The following SETBP1 variants were observed in gnomAD, a reference collection of about 807,000 sequenced individuals.
The protein encoded by SETBP1 is SET binding protein 1, also known as SET-binding protein.
A neutral mutation model predicts 101.0 loss-of-function variants in SETBP1; 9 were observed. The ratio of observed to expected loss-of-function variants is 0.09; its 90% CI spans 0.05 to 0.16. The LOEUF is 0.16. Ranked by LOEUF, SETBP1 falls within the 10% of genes least tolerant of loss-of-function variation. The probability of loss-of-function intolerance (pLI) is 1.00; values close to 1 mark genes in which losing one functional copy is unlikely to be tolerated. For missense variants in SETBP1, 1,858 were observed against 2,033.8 expected (o/e 0.91, Z 1.66); for synonymous variants, 818 against 788.5 (o/e 1.04, Z -0.63).
chr18:44,711,406 T>A (rs1178567043), intron 2 of SETBP1, among the ~76,000 whole-genome samples: 1 of 142,368 alleles, frequency 7.0e-6, no homozygotes, highest in African/African-American at 2.7e-5. Flanking sequence ...CTCTCTCCCT[T>A]CCTCCCTCCC....
At chr18:44,819,008 G>A (rs937694677) in intron 2 of SETBP1, among the ~76,000 whole-genome samples, 4 of 151,454 alleles carry the variant, frequency 2.6e-5, no homozygotes, top group Non-Finnish European at 4.4e-5. Flanking sequence ...GTGTGTGTGT[G>A]TATACACACA....
At chr18:44,941,892 T>G (rs1175952170) in intron 3 of SETBP1, among the ~76,000 whole-genome samples, 2 of 152,204 alleles carry the variant, frequency 1.3e-5, no homozygotes, top group African/African-American at 2.4e-5. Flanking sequence ...TTTTAAATAC[T>G]TGCACATTTT....
In SETBP1 at chr18:44,721,969, C is replaced by T. The variant is rs184857365; in HGVS notation, c.486+20137C>T. On this transcript the variant is annotated intron_variant, in intron 2 of 5. Coordinates refer to ENST00000649279, the MANE Select transcript of SETBP1 (RefSeq NM_015559.3). ...AATCTTTGTGGCTTCTGATAATTTG[C>T]ATATTGTCACTTGTTTGCCAACTAG... Among the ~76,000 whole-genome samples the T allele has an allele frequency of 1.1e-3, 165 of 152,286 alleles. No homozygotes were observed. The East Asian group carries it at 0.028, about 26-fold the overall frequency.
chr18:44,724,265 G>A (rs2069661677), intron 2 of SETBP1, among the ~76,000 whole-genome samples: 1 of 152,184 alleles, frequency 6.6e-6, no homozygotes, highest in Non-Finnish European at 1.5e-5. Flanking sequence ...TGGTTTGGCT[G>A]AATGTGAATG....
chr18:44,740,833 T>C (rs958422184), intron 2 of SETBP1, among the ~76,000 whole-genome samples: 1 of 152,200 alleles, frequency 6.6e-6, no homozygotes, highest in Non-Finnish European at 1.5e-5. Flanking sequence ...TAATTTAGTG[T>C]TTTGTCTGAA....
At chr18:44,750,731 G>A (rs551506766) in intron 2 of SETBP1, among the ~76,000 whole-genome samples, 3 of 152,256 alleles carry the variant, frequency 2.0e-5, no homozygotes, top group Admixed American at 6.5e-5. Flanking sequence ...GTTCTGCTTT[G>A]TAGAGAATAT....
At position 44,725,833 on chromosome 18, in the gene SETBP1, C is replaced by T. The variant is rs1042495205; in HGVS notation, c.486+24001C>T. ...CCCCCCTCCAACTCCGTTTTCTTCCCACAGCCACCAAAGCCAATAATAGAC... is the reference window on the plus strand; with the variant it reads ...CCCCCCTCCAACTCCGTTTTCTTCCTACAGCCACCAAAGCCAATAATAGAC... On this transcript the variant is annotated intron_variant, in intron 2 of 5. Transcript: ENST00000649279. Among the ~76,000 whole-genome samples, 3 of 152,126 alleles carry T rather than the reference C, an allele frequency of 2.0e-5. No homozygotes were observed. The East Asian group carries it at 5.8e-4, about 29-fold the overall frequency.
At chr18:44,854,953 C>T (rs903500855) in intron 2 of SETBP1, among the ~76,000 whole-genome samples, 3 of 152,196 alleles carry the variant, frequency 2.0e-5, no homozygotes, top group Non-Finnish European at 4.4e-5. Context: ...GTTCCACCAA[C>T]ACTTTGAGTA....
At chr18:44,867,590 C>T (rs1435642231) in intron 2 of SETBP1, among the ~76,000 whole-genome samples, 1 of 152,222 alleles carries the variant, frequency 6.6e-6, no homozygotes, top group South Asian at 2.1e-4. Flanking sequence ...ACATTTCACC[C>T]TTAGTTCCTA....
At chr18:44,723,511 A>C (rs1026787973) in intron 2 of SETBP1, among the ~76,000 whole-genome samples, 1 of 152,178 alleles carries the variant, frequency 6.6e-6, no homozygotes, top group Non-Finnish European at 1.5e-5. Flanking sequence ...CGGGGGGAAA[A>C]AAAACAACAC....
intron 3 of SETBP1, among the ~76,000 whole-genome samples, chr18:44,902,305 A>G (rs979441465): frequency 6.6e-6 from 1 of 152,040 alleles, no homozygotes; most frequent in Admixed American, 6.6e-5. Context: ...TATCAAACCT[A>G]TCTTAACCAG....
chr18:44,906,066 C>A (rs578125332), intron 3 of SETBP1, among the ~76,000 whole-genome samples: 5 of 152,112 alleles, frequency 3.3e-5, no homozygotes, highest in African/African-American at 1.2e-4. Flanking sequence ...AAAGGTCAGT[C>A]GCTTCATGAT....
chr18:45,063,989 A>G lies in SETBP1; in HGVS notation c.*291A>G. 3.0e-6 allele frequency: 1 copy of G among 331,460 alleles called. No individual in the cohort carries two copies. The highest frequency in any genetic ancestry group is 5.6e-6 in the Non-Finnish European group (1 of 177,616). The allele number at this position is 331,460 out of a possible 1,614,324, so 20.5% of individuals were successfully genotyped here. A position where few individuals can be genotyped will look rare whatever the true frequency, so the allele number is the denominator to read the frequency against. ...AGGCGAGCGGAAGGCCCCCAGGAGG[A>G]GCAGGCTGGTGGCACTCTCCTGACC... On this transcript the variant is annotated 3_prime_UTR_variant, in exon 6 of 6. Coordinates refer to ENST00000649279, the MANE Select transcript of SETBP1 (RefSeq NM_015559.3).
intron 2 of SETBP1, among the ~76,000 whole-genome samples, chr18:44,847,832 G>A (rs2072754637): frequency 1.3e-5 from 2 of 152,188 alleles, no homozygotes; most frequent in Non-Finnish European, 2.9e-5. Context: ...AGGAACACAA[G>A]CTGATTTGGA....
At position 45,063,371 on chromosome 18, in the gene SETBP1, G is replaced by A. The variant is rs752637901; in HGVS notation, c.4464G>A (p.Lys1488=). The A allele has an allele frequency of 5.7e-6, 9 of 1,567,002 alleles. No homozygotes were observed. The highest frequency in any genetic ancestry group is 4.7e-5 in the South Asian group (4 of 85,424). Residue 1488 remains lysine, a synonymous_variant, in exon 6 of 6, where the codon AAG becomes AAA. Coordinates refer to ENST00000649279, the MANE Select transcript of SETBP1 (RefSeq NM_015559.3). ...ACCTGCCCAGCAAAAGAGGCCAGAA[G>A]CCCAGCCTGAGCCCGCTGGTGCTGG... ...CIDLPSKRGQ[K]PSLSPLVLEP...
intron 2 of SETBP1, among the ~76,000 whole-genome samples, chr18:44,703,861 G>GT (rs2069164759): frequency 6.6e-6 from 1 of 152,194 alleles, no homozygotes; most frequent in Admixed American, 6.5e-5. Context: ...TGAAAGTGAG[G>GT]CTTTGCATTG....
chr18:45,020,388 A>G (rs2073035427), intron 4 of SETBP1, among the ~76,000 whole-genome samples: 1 of 151,816 alleles, frequency 6.6e-6, no homozygotes, highest in East Asian at 1.9e-4. Context: ...ACACCCAGAC[A>G]AGCCTGGACC....
chr18:44,786,479 A>C (rs1054494689), intron 2 of SETBP1, among the ~76,000 whole-genome samples: 15 of 152,346 alleles, frequency 9.8e-5, no homozygotes, highest in African/African-American at 3.4e-4. Flanking sequence ...CTATAGTCAT[A>C]AGCAGAAGTC....
intron 2 of SETBP1, among the ~76,000 whole-genome samples, chr18:44,769,840 T>C (rs2070835760): frequency 6.6e-6 from 1 of 152,192 alleles, no homozygotes; most frequent in Non-Finnish European, 1.5e-5. Flanking sequence ...GTGCTGAGGG[T>C]CATCTTTTAG....
Sources: allele counts gnomAD v4.1 joint callset (sites outside exome capture counted in the v4.1 genomes callset), GRCh38; gene constraint gnomAD v4.1.1; transcripts MANE v1.5; gene names NCBI Gene and HGNC (gene_info 2026-07-23, HGNC 2026-07-21).